The following PLB1 variants were observed in gnomAD, a reference collection of about 807,000 sequenced individuals.
PLB1 encodes the protein phospholipase B1.
PLB1 carries 242 observed loss-of-function variants against 227.4 expected under a neutral mutation model. That is an observed-to-expected ratio of 1.06 (90% confidence interval 0.96 to 1.18). PLB1 has a LOEUF of 1.18. PLB1 is among the 50% of genes most tolerant of loss of function. The pLI, the probability that PLB1 is intolerant of heterozygous loss-of-function variation, is 0.00. For missense variants in PLB1, 1,858 were observed against 1,816.3 expected (o/e 1.02, Z -0.42); for synonymous variants, 757 against 682.2 (o/e 1.11, Z -1.71).
At position 28,626,391 on chromosome 2, in the gene PLB1, C is replaced by T. The variant is rs916375743; in HGVS notation, c.3580-37C>T. On this transcript the variant is annotated intron_variant, in intron 50 of 57. Transcript: ENST00000327757. The stretch of plus-strand genomic sequence containing the variant: ...AGTAGCAACATTTGTATGTGCCTCC[C>T]ACCAAGGCCTAAACTCAGGATCTTC... The T allele has an allele frequency of 5.7e-6, 9 of 1,580,828 alleles. No homozygotes were observed. In the African/African-American group the frequency reaches 9.4e-5, roughly 17 times the overall value.
At chr2:28,583,886 C>G (rs1485426416) in intron 25 of PLB1, among the ~76,000 whole-genome samples, 1 of 152,014 alleles carries the variant, frequency 6.6e-6, no homozygotes. Flanking sequence ...ATGCTTCTGG[C>G]TCAAAGCATT....
chr2:28,581,482 CAAAA>C lies in PLB1; in HGVS notation c.1567-582_1567-579del, dbSNP rs149826765. ...TATGGAGTAGATCCAGAGCTCCACGCAAAAAAATAAATAAATAAATAAATAAATA... is the reference window on the plus strand; with the variant it reads ...TATGGAGTAGATCCAGAGCTCCACGCAAATAAATAAATAAATAAATAAATA... On this transcript the variant is annotated intron_variant, in intron 23 of 57. Transcript: ENST00000327757. 1.4e-3 allele frequency among the ~76,000 whole-genome samples: 84 copies of C among 58,308 alleles called. 3 individuals carry two copies. The highest frequency in any genetic ancestry group is 0.011 in the Middle Eastern group (1 of 94). 38.3% of individuals were successfully genotyped at this position (58,308 alleles called of 152,430 possible).
Position 28,565,221 on chromosome 2 carries a change from G to A in PLB1, c.1207-59G>A, listed in dbSNP as rs543870719. 91 of 1,470,478 alleles carry A rather than the reference G, an allele frequency of 6.2e-5. No homozygotes were observed. In the East Asian group the frequency reaches 1.8e-3, roughly 30 times the overall value. 91.1% of individuals were successfully genotyped at this position (1,470,478 alleles called of 1,614,324 possible). ...AAGAACATAGACCTTTTGGCAGGTA[G>A]GCAGAGGTGGGCCACTGGGGAAAGC... On this transcript the variant is annotated intron_variant, in intron 18 of 57. Coordinates refer to ENST00000327757, the MANE Select transcript of PLB1 (RefSeq NM_153021.5).
chr2:28,543,127 G>A, intron 13 of PLB1, 85 bp from the exon 14 acceptor site: 2 of 1,431,536 alleles, frequency 1.4e-6, no homozygotes, highest in Non-Finnish European at 1.9e-6. Context: ...CCAACTCTAT[G>A]CCAGAGAGAG....
rs529046483 is a variant in PLB1 at position 28,510,656 on chromosome 2, C to T, written c.56-6152C>T. 2.8e-4 allele frequency among the ~76,000 whole-genome samples: 33 copies of T among 119,932 alleles called. 1 individual carries two copies. In the East Asian group the frequency reaches 8.1e-3, roughly 29 times the overall value. The allele number at this position is 119,932 out of a possible 152,430, so 78.7% of individuals were successfully genotyped here. Reference sequence around the variant, plus strand: ...TTTTTTTTTTTGAGATGGAGTCTCACTTTACCACCCAGGCTGGAGTGCAAT... The same window carrying T: ...TTTTTTTTTTTGAGATGGAGTCTCATTTTACCACCCAGGCTGGAGTGCAAT... On this transcript the variant is annotated intron_variant, in intron 1 of 57. Coordinates refer to ENST00000327757, the MANE Select transcript of PLB1 (RefSeq NM_153021.5).
At chr2:28,619,073 T>A (rs1289278547) in intron 46 of PLB1, among the ~76,000 whole-genome samples, 3 of 152,166 alleles carry the variant, frequency 2.0e-5, no homozygotes, top group Non-Finnish European at 2.9e-5. Context: ...AGTTCAGGGG[T>A]ACATGTGCAG....
chr2:28,563,895 G>A (rs1676436544), intron 18 of PLB1, among the ~76,000 whole-genome samples: 1 of 152,138 alleles, frequency 6.6e-6, no homozygotes, highest in Non-Finnish European at 1.5e-5. Flanking sequence ...CATCCACTCA[G>A]TGGGATGTAT....
intron 25 of PLB1, 58 bp downstream of exon 25, chr2:28,582,563 C>T: frequency 2.3e-6 from 3 of 1,298,000 alleles, no homozygotes; most frequent in South Asian, 1.3e-5. Flanking sequence ...AGGGCAGTGG[C>T]ACCCTTAGCA....
chr2:28,527,630 G>A (rs992712161), intron 6 of PLB1, among the ~76,000 whole-genome samples: 2 of 152,228 alleles, frequency 1.3e-5, no homozygotes, highest in Non-Finnish European at 2.9e-5. Context: ...GGACTTTCCT[G>A]AGGCTATGTG....
intron 29 of PLB1, 60 bp downstream of exon 29, chr2:28,590,136 A>G: frequency 7.0e-7 from 1 of 1,422,320 alleles, no homozygotes. Flanking sequence ...GGCTCATTTC[A>G]TCCTAGGCCC....
At position 28,555,948 on chromosome 2, in the gene PLB1, A is replaced by T. The variant is rs891275451; in HGVS notation, c.1147+2957A>T. On this transcript the variant is annotated intron_variant, in intron 17 of 57. Coordinates refer to ENST00000327757, the MANE Select transcript of PLB1 (RefSeq NM_153021.5). ...TAGTGGTGCGATCTCACCTCACTGC[A>T]GCCTTGATCTCCCTGGCTCGAGATC... Among the ~76,000 whole-genome samples the T allele has an allele frequency of 3.5e-5, 5 of 144,310 alleles. No homozygotes were observed. The Admixed American group carries it at 3.6e-4, about 11-fold the overall frequency. 94.7% of individuals were successfully genotyped at this position (144,310 alleles called of 152,430 possible).
chr2:28,590,299 C>T (rs1202055533), intron 29 of PLB1, among the ~76,000 whole-genome samples: 1 of 152,128 alleles, frequency 6.6e-6, no homozygotes, highest in African/African-American at 2.4e-5. Context: ...GCTGGGAGCC[C>T]TCACACATGT....
Position 28,626,428 on chromosome 2 carries a change from GACATCA to G in PLB1, c.3583_3588del (p.Ile1195_Asn1196del). 6.2e-7 allele frequency: 1 copy of G among 1,613,910 alleles called. No homozygotes were observed. The highest frequency in any genetic ancestry group is 1.1e-5 in the South Asian group (1 of 91,080). On this transcript the variant is annotated inframe_deletion and splice_region_variant, in exon 51 of 58. Transcript: ENST00000327757. ...AACTCAGGATCTTCTGTCCCCTCAG[GACATCA>G]ACCTGGAGAAAGACTGGAAGCTGGT...
intron 1 of PLB1, among the ~76,000 whole-genome samples, chr2:28,498,481 G>A (rs1004838955): frequency 2.0e-5 from 3 of 152,194 alleles, no homozygotes; most frequent in East Asian, 1.9e-4. Context: ...GGCTAGTCTC[G>A]AACTCCTGGG....
intron 23 of PLB1, among the ~76,000 whole-genome samples, chr2:28,581,118 T>G (rs1357098601): frequency 3.9e-5 from 6 of 152,158 alleles, no homozygotes; most frequent in African/African-American, 1.4e-4. Context: ...TTTGGTTAGA[T>G]TTCAATCAGA....
At chr2:28,596,990 G>A (rs1165467935) in intron 33 of PLB1, among the ~76,000 whole-genome samples, 8 of 152,176 alleles carry the variant, frequency 5.3e-5, no homozygotes, top group East Asian at 1.9e-4. Context: ...TGGGCCAGGC[G>A]CGGTGGCTCA....
chr2:28,517,021 C>A, intron 2 of PLB1, 152 bp downstream of exon 2: 1 of 721,842 alleles, frequency 1.4e-6, no homozygotes. Flanking sequence ...CCCCCATGGA[C>A]AGCCGGGGTG....
chr2:28,553,999 A>G (rs1674633317), intron 17 of PLB1, among the ~76,000 whole-genome samples: 1 of 152,190 alleles, frequency 6.6e-6, no homozygotes, highest in Non-Finnish European at 1.5e-5. Context: ...CAACTAAGAC[A>G]CATGGCTGGC....
intron 56 of PLB1, among the ~76,000 whole-genome samples, chr2:28,633,904 T>G (rs1688991673): frequency 6.6e-6 from 1 of 152,192 alleles, no homozygotes; most frequent in African/African-American, 2.4e-5. Flanking sequence ...ACAAGCTACA[T>G]TCCAGCTCCT....
Sources: allele counts gnomAD v4.1 joint callset (sites outside exome capture counted in the v4.1 genomes callset), GRCh38; gene constraint gnomAD v4.1.1; transcripts MANE v1.5; gene names NCBI Gene and HGNC (gene_info 2026-07-23, HGNC 2026-07-21).